UPP2: variants seen among roughly 807,000 people sequenced by gnomAD.
UPP2 encodes uridine phosphorylase 2, also known as UPase 2.
In UPP2, 23 loss-of-function variants were observed where a neutral mutation model predicts 26.7. That is an observed-to-expected ratio of 0.86 (90% CI 0.62 to 1.22). The LOEUF (loss-of-function observed/expected upper bound fraction) is 1.22, where lower values mean the gene tolerates loss of function less well. Ranked by LOEUF, UPP2 falls within the 50% of genes most tolerant of loss-of-function variation. UPP2 has a pLI of 0.00. For missense variants in UPP2, 387 were observed against 396.7 expected (o/e 0.98, Z 0.21); for synonymous variants, 127 against 141.3 (o/e 0.90, Z 0.72).
At chr2:158,065,637 A>G (rs1682422823) in intron 3 of UPP2, 1 of 573,388 alleles carries the variant, frequency 1.7e-6, no homozygotes, top group Non-Finnish European at 3.3e-6. Flanking sequence ...GTGACCTTAA[A>G]CAAATTCGTA....
intron 2 of UPP2, among the ~76,000 whole-genome samples, chr2:158,010,908 G>A (rs1044125664): frequency 7.2e-5 from 11 of 152,070 alleles, no homozygotes; most frequent in African/African-American, 2.4e-4. Flanking sequence ...TGGGACTACA[G>A]GTGCACGCCT....
chr2:158,103,021 G>A (rs1237866506), intron 1 of UPP2, among the ~76,000 whole-genome samples: 3 of 152,146 alleles, frequency 2.0e-5, no homozygotes, highest in Admixed American at 2.0e-4. Context: ...TATGTGTTAG[G>A]AAAAGGAAGA....
chr2:158,129,525 TA>T (rs1449984869), intron 6 of UPP2, among the ~76,000 whole-genome samples: 3 of 151,976 alleles, frequency 2.0e-5, no homozygotes, highest in Non-Finnish European at 4.4e-5. Flanking sequence ...GGAAACAGAC[TA>T]AAACAGAGAT....
chr2:158,044,558 T>G (rs1684124686), intron 3 of UPP2, among the ~76,000 whole-genome samples: 1 of 151,964 alleles, frequency 6.6e-6, no homozygotes, highest in South Asian at 2.1e-4. Flanking sequence ...ATTACGACAT[T>G]TACAGGGAAC....
intron 3 of UPP2, among the ~76,000 whole-genome samples, chr2:158,053,345 C>A (rs1424711961): frequency 3.9e-5 from 6 of 152,104 alleles, no homozygotes; most frequent in Non-Finnish European, 7.4e-5. Flanking sequence ...ACTTTATATG[C>A]ATTTTCTCAT....
chr2:158,114,283 T>A (rs1447853236), intron 2 of UPP2, among the ~76,000 whole-genome samples: 1 of 152,152 alleles, frequency 6.6e-6, no homozygotes, highest in Non-Finnish European at 1.5e-5. Flanking sequence ...CTGCTACTGC[T>A]CACCCTCTTG....
chr2:158,055,986 TTCACGTGTGAGGAAAGG>T (rs796645265), intron 3 of UPP2, among the ~76,000 whole-genome samples: 10 of 152,290 alleles, frequency 6.6e-5, no homozygotes, highest in African/African-American at 2.2e-4. Flanking sequence ...ACCTAAAAGA[TTCACGTGTGAGGAAAGG>T]AGAGGAAGGA....
rs547013149 is a variant in UPP2, at chr2:158,058,241, C to T, written c.147+42355C>T. Among the ~76,000 whole-genome samples, 908 of 147,106 alleles carry T rather than the reference C, an allele frequency of 6.2e-3. 2 individuals are homozygous for T. Among genetic ancestry groups the T allele is most frequent in the Non-Finnish European group, 0.01 (704 of 67,226 alleles). On this transcript the variant is annotated intron_variant, in intron 3 of 9. Coordinates refer to the UPP2 transcript ENST00000605860. ...CCAGGAGGTGGAGCTTGCAGTGAGC[C>T]GAGATTGTGCCACTGCATGCCAGCC...
intron 2 of UPP2, among the ~76,000 whole-genome samples, chr2:157,999,433 T>C (rs369226615): frequency 6.6e-6 from 1 of 152,180 alleles, no homozygotes; most frequent in East Asian, 1.9e-4. Context: ...TCGCCTTGGC[T>C]TCCCAAAGTG....
chr2:158,048,542 T>A (rs1372887603), intron 3 of UPP2, among the ~76,000 whole-genome samples: 3 of 152,190 alleles, frequency 2.0e-5, no homozygotes, highest in Non-Finnish European at 4.4e-5. Flanking sequence ...AAATGGAGGC[T>A]GCAGTGAGCT....
intron 2 of UPP2, among the ~76,000 whole-genome samples, chr2:158,003,911 C>T (rs1222891582): frequency 6.6e-6 from 1 of 151,656 alleles, no homozygotes; most frequent in African/African-American, 2.4e-5. Context: ...TGGATTGTTT[C>T]AAAATAAAAA....
chr2:158,118,839 A>T (rs549474221), intron 4 of UPP2, among the ~76,000 whole-genome samples: 10 of 152,218 alleles, frequency 6.6e-5, no homozygotes, highest in Admixed American at 5.9e-4. Flanking sequence ...GTTCAACATC[A>T]CAAAGCCACC....
intron 3 of UPP2, among the ~76,000 whole-genome samples, chr2:158,069,921 C>T (rs1322846139): frequency 6.6e-6 from 1 of 152,042 alleles, no homozygotes; most frequent in South Asian, 2.1e-4. Context: ...CTTCTTGTAT[C>T]CTCACATGGA....
chr2:158,105,363 A>G (rs1311820492), intron 1 of UPP2, among the ~76,000 whole-genome samples: 1 of 152,108 alleles, frequency 6.6e-6, no homozygotes, highest in Non-Finnish European at 1.5e-5. Context: ...AGCCAGGGCC[A>G]TGGCCAGTGG....
chr2:158,107,046 A>G (rs146415708), intron 2 of UPP2, among the ~76,000 whole-genome samples: 2,067 of 152,298 alleles, frequency 0.014, 54 homozygotes, highest in African/African-American at 0.047. Flanking sequence ...CATTACAGAG[A>G]CTATTACTGA....
chr2:158,064,839 T>C (rs1682409957), intron 3 of UPP2, among the ~76,000 whole-genome samples: 1 of 152,192 alleles, frequency 6.6e-6, no homozygotes. Flanking sequence ...ATTTATTAAA[T>C]AGGAATCTTT....
At chr2:158,100,953 G>A (rs770967908), upstream of UPP2, among the ~76,000 whole-genome samples, 162 of 152,224 alleles carry the variant, frequency 1.1e-3, 1 homozygote, top group Admixed American at 7.2e-4. Flanking sequence ...AGGAAGAGGA[G>A]CATCTTCTAA....
At chr2:158,056,719 G>A (rs1405169150) in intron 3 of UPP2, among the ~76,000 whole-genome samples, 6 of 152,286 alleles carry the variant, frequency 3.9e-5, no homozygotes, top group East Asian at 1.9e-4. Flanking sequence ...TTAGAAGGAC[G>A]GCAGTCGTAC....
In UPP2 at chr2:158,119,202, G is replaced by T. The variant is rs75372164; in HGVS notation, c.454+1264G>T. Reference sequence around the variant, plus strand: ...ATTCATGCATTGTAAAGTCCTGACTGCTACAGTTACCACTTGATATTAACA... The same window carrying T: ...ATTCATGCATTGTAAAGTCCTGACTTCTACAGTTACCACTTGATATTAACA... On this transcript the variant is annotated intron_variant, in intron 4 of 6. Coordinates refer to ENST00000005756, the MANE Select transcript of UPP2 (RefSeq NM_173355.4). Among the ~76,000 whole-genome samples, 937 of 152,200 alleles carry T rather than the reference G, an allele frequency of 6.2e-3. 8 individuals carry two copies. The highest frequency in any genetic ancestry group is 0.027 in the Middle Eastern group (8 of 294).
Sources: gnomAD v4.1 joint callset for allele counts (sites outside exome capture counted in the v4.1 genomes callset) on GRCh38, gnomAD v4.1.1 for gene constraint, MANE v1.5 for transcripts, NCBI Gene and HGNC (gene_info 2026-07-23, HGNC 2026-07-21) for gene names.